Variants in USH2A observed in about 807,000 individuals in gnomAD.
USH2A encodes usherin.
A neutral mutation model predicts 538.9 loss-of-function variants in USH2A; 443 were observed. That is an observed-to-expected ratio of 0.82 (90% CI 0.76 to 0.89). The LOEUF (loss-of-function observed/expected upper bound fraction) is 0.89, where lower values mean the gene tolerates loss of function less well. Ranked by LOEUF, USH2A falls within the 40% of genes least tolerant of loss-of-function variation. The pLI is 0.00. For missense variants in USH2A, 6,633 were observed against 6,324.8 expected (o/e 1.05, Z -1.65); for synonymous variants, 2,413 against 2,273.5 (o/e 1.06, Z -1.75).
chr1:215,749,274 A>G (rs1475395167), intron 58 of USH2A, among the ~76,000 whole-genome samples: 1 of 152,238 alleles, frequency 6.6e-6, no homozygotes, highest in Non-Finnish European at 1.5e-5. Flanking sequence ...CTCCCAGAGG[A>G]TGAAGGAACA....
At chr1:215,951,233 C>T (rs1044937273) in intron 37 of USH2A, among the ~76,000 whole-genome samples, 5 of 152,128 alleles carry the variant, frequency 3.3e-5, no homozygotes, top group African/African-American at 1.2e-4. Context: ...GAATGTGTCC[C>T]AGAGATTCTG....
intron 49 of USH2A, among the ~76,000 whole-genome samples, chr1:215,810,477 G>C (rs1244480748): frequency 6.6e-6 from 1 of 152,088 alleles, no homozygotes; most frequent in African/African-American, 2.4e-5. Context: ...AGTTTTAAGG[G>C]ACAGAGGATA....
chr1:215,698,012 G>A (rs1305266305), intron 61 of USH2A, among the ~76,000 whole-genome samples: 1 of 152,058 alleles, frequency 6.6e-6, no homozygotes, highest in Non-Finnish European at 1.5e-5. Flanking sequence ...AGTGTGTGAT[G>A]TTCCCCTCCC....
rs888691708 is a variant in USH2A, at chr1:216,057,136, C to CT, written c.6050-8490dup. Among the ~76,000 whole-genome samples the CT allele has an allele frequency of 7.6e-3, 1,144 of 150,070 alleles. 14 individuals carry two copies. Among genetic ancestry groups the CT allele is most frequent in the African/African-American group, 0.026 (1,083 of 41,012 alleles). Reference sequence around the variant, plus strand: ...TTATTGCATAAAATAAAATGAAAAACTTTTTTTTTTAAAAAACAACTCTCT... The same window carrying CT: ...TTATTGCATAAAATAAAATGAAAAACTTTTTTTTTTTAAAAAACAACTCTCT... On this transcript the variant is annotated intron_variant, in intron 30 of 71. Transcript: ENST00000307340.
At chr1:216,026,040 T>C (rs928705907) in intron 32 of USH2A, among the ~76,000 whole-genome samples, 18 of 152,112 alleles carry the variant, frequency 1.2e-4, no homozygotes, top group African/African-American at 2.4e-5. Flanking sequence ...AGGTGTGGTA[T>C]ACGAGACAAA....
At chr1:216,050,604 C>CTTTCTTTTTTTCTTTCT (rs1195871302) in intron 30 of USH2A, among the ~76,000 whole-genome samples, 1 of 68,564 alleles carries the variant, frequency 1.5e-5, no homozygotes, top group South Asian at 5.3e-4. Context: ...TTCTTTCTTT[C>CTTTCTTTTTTTCTTTCT]TTTTTTTTTT....
At chr1:215,952,375 T>C (rs1399610296) in intron 37 of USH2A, among the ~76,000 whole-genome samples, 1 of 152,208 alleles carries the variant, frequency 6.6e-6, no homozygotes, top group Non-Finnish European at 1.5e-5. Flanking sequence ...TTTAGCCCAT[T>C]TACATTTAAG....
chr1:216,216,591 C>A (rs1182977413), intron 15 of USH2A, among the ~76,000 whole-genome samples: 1 of 151,984 alleles, frequency 6.6e-6, no homozygotes, highest in Non-Finnish European at 1.5e-5. Flanking sequence ...GGGCTCCTAC[C>A]ACATGTTCCC....
At chr1:216,119,454 G>C (rs1571976241) in intron 21 of USH2A, among the ~76,000 whole-genome samples, 1 of 151,204 alleles carries the variant, frequency 6.6e-6, no homozygotes, top group Non-Finnish European at 1.5e-5. Context: ...TATATATATG[G>C]TATACATAAC....
intron 19 of USH2A, among the ~76,000 whole-genome samples, chr1:216,191,269 C>T (rs2034711797): frequency 6.6e-6 from 1 of 151,914 alleles, no homozygotes; most frequent in South Asian, 2.1e-4. Context: ...AAATAATCTT[C>T]CATAAATATA....
At chr1:215,863,694 G>A (rs1349230549) in intron 44 of USH2A, among the ~76,000 whole-genome samples, 3 of 152,176 alleles carry the variant, frequency 2.0e-5, no homozygotes, top group African/African-American at 7.2e-5. Flanking sequence ...TAGACAAATG[G>A]CCAGGCATGG....
At chr1:216,422,816 T>C (rs1442429153) in intron 1 of USH2A, among the ~76,000 whole-genome samples, 1 of 150,906 alleles carries the variant, frequency 6.6e-6, no homozygotes, top group Non-Finnish European at 1.5e-5. Flanking sequence ...GTGTGTTTTA[T>C]ATATATATAA....
intron 21 of USH2A, among the ~76,000 whole-genome samples, chr1:216,143,380 T>A (rs2033636793): frequency 6.6e-6 from 1 of 152,194 alleles, no homozygotes; most frequent in African/African-American, 2.4e-5. Context: ...TATTTATTTT[T>A]TAGTCACAGT....
chr1:215,685,401 T>G (rs538090304), intron 61 of USH2A, among the ~76,000 whole-genome samples: 9 of 150,568 alleles, frequency 6.0e-5, no homozygotes, highest in African/African-American at 1.9e-4. Context: ...CAGGCTGAAA[T>G]GCAAGGAGTA....
chr1:216,384,949 G>T (rs945151553), intron 3 of USH2A, among the ~76,000 whole-genome samples: 1 of 152,156 alleles, frequency 6.6e-6, no homozygotes, highest in African/African-American at 2.4e-5. Flanking sequence ...GTGAAAAAGT[G>T]AAGCTTCATG....
At chr1:216,013,040 C>G (rs4550023) in intron 32 of USH2A, among the ~76,000 whole-genome samples, 69,363 of 151,992 alleles carry the variant, frequency 0.46, 16,422 homozygotes, top group East Asian at 0.7. Context: ...CAAACTGCCA[C>G]TCTTAACTCT....
At chr1:215,799,270 A>G in intron 49 of USH2A, 145 bp from the exon 50 acceptor site, 3 of 1,009,670 alleles carry the variant, frequency 3.0e-6, no homozygotes, top group Non-Finnish European at 4.4e-6. Flanking sequence ...GAGTTGCAAA[A>G]TTTCCAAATG....
chr1:216,039,532 T>G (rs986784371), intron 32 of USH2A, among the ~76,000 whole-genome samples: 2 of 152,030 alleles, frequency 1.3e-5, no homozygotes, highest in Admixed American at 6.6e-5. Context: ...TTAACAGCAT[T>G]CCTTTAGGTA....
At chr1:216,037,420 G>T (rs2030037007) in intron 32 of USH2A, among the ~76,000 whole-genome samples, 1 of 152,108 alleles carries the variant, frequency 6.6e-6, no homozygotes, top group African/African-American at 2.4e-5. Context: ...AAAAACTTTT[G>T]CCATGACCTT....
Sources: allele counts gnomAD v4.1 joint callset (sites outside exome capture counted in the v4.1 genomes callset), GRCh38; gene constraint gnomAD v4.1.1; transcripts MANE v1.5; gene names NCBI Gene and HGNC (gene_info 2026-07-23, HGNC 2026-07-21).